LINGO2: variants seen among roughly 807,000 people sequenced by gnomAD.
The protein encoded by LINGO2 is leucine rich repeat and Ig domain containing 2, also known as leucine-rich repeat and immunoglobulin-like domain-containing nogo receptor-interacting protein 2.
Under a neutral mutation model 30.6 loss-of-function variants are expected in LINGO2, and 14 were observed. The ratio of observed to expected loss-of-function variants is 0.46; its 90% CI spans 0.30 to 0.72. The LOEUF (loss-of-function observed/expected upper bound fraction) is 0.72. LINGO2 is among the 30% of genes least tolerant of loss of function. LINGO2 has a pLI of 0.07. For missense variants in LINGO2, 729 were observed against 751.7 expected (o/e 0.97, Z 0.35); for synonymous variants, 317 against 288.5 (o/e 1.10, Z -1.00).
At chr9:28,897,178 T>G in the LINGO2 span, among the ~76,000 whole-genome samples, 1 of 152,144 alleles carries the variant, frequency 6.6e-6, no homozygotes, top group Non-Finnish European at 1.5e-5. Flanking sequence ...TTGTGCACAC[T>G]GAGCTATCAG....
the LINGO2 span, among the ~76,000 whole-genome samples, chr9:28,917,592 A>G: frequency 5.3e-5 from 8 of 152,116 alleles, no homozygotes; most frequent in African/African-American, 1.9e-4. Flanking sequence ...AGCTGGGATT[A>G]CAGGCACCCA....
intron 1 of LINGO2, among the ~76,000 whole-genome samples, chr9:28,520,689 A>C (rs895885097): frequency 6.6e-6 from 1 of 152,208 alleles, no homozygotes; most frequent in Non-Finnish European, 1.5e-5. Flanking sequence ...TTGTGGAATT[A>C]ATAAATTATT....
chr9:28,229,488 G>A lies in LINGO2; in HGVS notation c.-87+65720C>T, dbSNP rs182484158. On this transcript the variant is annotated intron_variant, in intron 4 of 5. Coordinates refer to ENST00000379992, the Ensembl canonical transcript of LINGO2. ...AGATGAAGAACAAGAGGAGGAGGAA[G>A]GAAAGGTAAAGGACCCTCCCTATCA... Among the ~76,000 whole-genome samples the A allele has an allele frequency of 2.8e-3, 422 of 151,584 alleles. 3 individuals carry two copies. The highest frequency in any genetic ancestry group is 4.2e-3 in the Non-Finnish European group (286 of 67,626).
intron 5 of LINGO2, among the ~76,000 whole-genome samples, chr9:27,973,589 C>T (rs557061117): frequency 1.3e-5 from 2 of 152,278 alleles, no homozygotes; most frequent in Admixed American, 6.5e-5. Flanking sequence ...AAGAAGCCAA[C>T]GTGGTCAGTA....
intron 4 of LINGO2, among the ~76,000 whole-genome samples, chr9:28,086,714 G>A (rs762900823): frequency 2.5e-4 from 38 of 151,898 alleles, no homozygotes; most frequent in Non-Finnish European, 4.9e-4. Context: ...ATCCCTGGAC[G>A]AGTGAGAGTG....
chr9:28,037,954 C>CCTCT (rs1824015884), intron 4 of LINGO2, among the ~76,000 whole-genome samples: 4 of 152,160 alleles, frequency 2.6e-5, no homozygotes, highest in Non-Finnish European at 5.9e-5. Flanking sequence ...GATAAGGAAG[C>CCTCT]TGAGGCATAA....
the LINGO2 span, among the ~76,000 whole-genome samples, chr9:28,902,399 A>T: frequency 6.6e-6 from 1 of 152,146 alleles, no homozygotes; most frequent in South Asian, 2.1e-4. Context: ...TATATAAAGC[A>T]AACACTGTGA....
At chr9:28,428,710 T>C (rs1256990034) in intron 2 of LINGO2, among the ~76,000 whole-genome samples, 2 of 152,132 alleles carry the variant, frequency 1.3e-5, no homozygotes, top group Admixed American at 1.3e-4. Flanking sequence ...CTGCTGGTTA[T>C]ATGGTAGGTG....
chr9:29,052,055 A>G, the LINGO2 span, among the ~76,000 whole-genome samples: 1 of 152,148 alleles, frequency 6.6e-6, no homozygotes, highest in African/African-American at 2.4e-5. Flanking sequence ...AACCCACAAA[A>G]TGGCAATTTC....
At position 28,078,444 on chromosome 9, in the gene LINGO2, A is replaced by AT. The variant is rs945061798; in HGVS notation, c.-86-66040dup. Among the ~76,000 whole-genome samples the AT allele has an allele frequency of 2.2e-4, 32 of 148,188 alleles. 3 individuals are homozygous for AT. The highest frequency in any genetic ancestry group is 1.7e-3 in the South Asian group (8 of 4,798). On this transcript the variant is annotated intron_variant, in intron 4 of 5. Coordinates refer to ENST00000379992, the Ensembl canonical transcript of LINGO2. ...TCTAAATCTGATTTTTAAATAGACT[A>AT]TTTTTTTTTAGGATTTGTGAGCACA...
intron 2 of LINGO2, among the ~76,000 whole-genome samples, chr9:28,446,846 A>T (rs1486675804): frequency 2.0e-5 from 3 of 152,182 alleles, no homozygotes; most frequent in Non-Finnish European, 4.4e-5. Flanking sequence ...CTAAAATCTA[A>T]AATTAACAGG....
At chr9:28,853,591 G>C in the LINGO2 span, among the ~76,000 whole-genome samples, 1 of 151,948 alleles carries the variant, frequency 6.6e-6, no homozygotes, top group Non-Finnish European at 1.5e-5. Context: ...TATAAAGGAA[G>C]GAAGTTTAAT....
intron 1 of LINGO2, among the ~76,000 whole-genome samples, chr9:28,569,340 T>A (rs1322876356): frequency 6.6e-6 from 1 of 151,870 alleles, no homozygotes; most frequent in Admixed American, 6.6e-5. Context: ...TGTACTCTCC[T>A]GTTCATTGTA....
chr9:28,943,062 T>C, the LINGO2 span, among the ~76,000 whole-genome samples: 1 of 152,156 alleles, frequency 6.6e-6, no homozygotes, highest in Non-Finnish European at 1.5e-5. Context: ...AGCTATGAGA[T>C]ATATTAAGGC....
chr9:28,564,389 A>G (rs1373997053), intron 1 of LINGO2, among the ~76,000 whole-genome samples: 1 of 152,114 alleles, frequency 6.6e-6, no homozygotes, highest in Non-Finnish European at 1.5e-5. Context: ...GTGCTTTTTT[A>G]AAATAAATAA....
At chr9:28,533,676 G>C (rs914843128) in intron 1 of LINGO2, among the ~76,000 whole-genome samples, 4 of 152,168 alleles carry the variant, frequency 2.6e-5, no homozygotes, top group Non-Finnish European at 4.4e-5. Context: ...TTGTGCCCTT[G>C]AAGAGGCTGT....
chr9:28,177,794 CA>C (rs1404738041), intron 4 of LINGO2, among the ~76,000 whole-genome samples: 2 of 152,142 alleles, frequency 1.3e-5, no homozygotes, highest in Admixed American at 1.3e-4. Flanking sequence ...AAATAAATTT[CA>C]GTAGCATCCC....
chr9:28,938,759 C>A, the LINGO2 span, among the ~76,000 whole-genome samples: 2 of 152,092 alleles, frequency 1.3e-5, no homozygotes, highest in Non-Finnish European at 2.9e-5. Flanking sequence ...ATGATGTTTG[C>A]ACAATGATGA....
the LINGO2 span, among the ~76,000 whole-genome samples, chr9:29,088,037 T>G: frequency 6.6e-6 from 1 of 152,192 alleles, no homozygotes; most frequent in Non-Finnish European, 1.5e-5. Flanking sequence ...TTATTCTTTC[T>G]GACTTCATTT....
Sources: gnomAD v4.1 joint callset for allele counts (sites outside exome capture counted in the v4.1 genomes callset) on GRCh38, gnomAD v4.1.1 for gene constraint, MANE v1.5 for transcripts, NCBI Gene and HGNC (gene_info 2026-07-23, HGNC 2026-07-21) for gene names.